The following CDH4 variants were observed in gnomAD, a reference collection of about 807,000 sequenced individuals.
CDH4 encodes cadherin-4.
CDH4 carries 33 observed loss-of-function variants against 86.0 expected under a neutral mutation model. That is an observed-to-expected ratio of 0.38 (90% confidence interval 0.29 to 0.51). The LOEUF (loss-of-function observed/expected upper bound fraction) is 0.51. Among genes scored for constraint, CDH4 ranks in the 20% least tolerant of loss-of-function variants. The pLI, the probability that CDH4 is intolerant of heterozygous loss-of-function variation, is 0.86. For synonymous variants in CDH4, 555 were observed against 549.4 expected (o/e 1.01, Z -0.14); for missense variants, 1,114 against 1,307.4 (o/e 0.85, Z 2.28).
chr20:61,893,455 G>A (rs1984943463), intron 7 of CDH4, among the ~76,000 whole-genome samples: 1 of 150,752 alleles, frequency 6.6e-6, no homozygotes, highest in South Asian at 2.1e-4. Flanking sequence ...TGAATAGAGG[G>A]ATAGACGGAT....
intron 2 of CDH4, among the ~76,000 whole-genome samples, chr20:61,265,110 T>C (rs1392969940): frequency 6.6e-6 from 1 of 150,484 alleles, no homozygotes; most frequent in Non-Finnish European, 1.5e-5. Flanking sequence ...CATTCAATCT[T>C]ACACATACAG....
intron 6 of CDH4, among the ~76,000 whole-genome samples, chr20:61,853,705 G>A (rs1420680255): frequency 6.6e-6 from 1 of 152,182 alleles, no homozygotes; most frequent in African/African-American, 2.4e-5. Flanking sequence ...TCCCCACAGG[G>A]CTGGCACAGC....
At chr20:61,565,201 G>A (rs1272718496) in intron 2 of CDH4, among the ~76,000 whole-genome samples, 2 of 51,910 alleles carry the variant, frequency 3.9e-5, no homozygotes, top group Non-Finnish European at 7.7e-5. Context: ...TCTTGGTGGT[G>A]GTCGCGGTGC....
chr20:61,836,975 C>T (rs539724792), intron 4 of CDH4, among the ~76,000 whole-genome samples: 1 of 152,346 alleles, frequency 6.6e-6, no homozygotes, highest in East Asian at 1.9e-4. Flanking sequence ...AGGAAGGTCA[C>T]ATGAGGCCAA....
At chr20:61,633,591 CA>C (rs2086916561) in intron 2 of CDH4, among the ~76,000 whole-genome samples, 1 of 152,228 alleles carries the variant, frequency 6.6e-6, no homozygotes, top group East Asian at 1.9e-4. Context: ...ACATGTAAGA[CA>C]GCCTAGATCT....
intron 2 of CDH4, among the ~76,000 whole-genome samples, chr20:61,710,100 C>T (rs1600899106): frequency 6.6e-6 from 1 of 152,118 alleles, no homozygotes; most frequent in African/African-American, 2.4e-5. Flanking sequence ...CAGAATGAAC[C>T]GAGAACCTCA....
At chr20:61,289,506 A>C (rs1012420549) in intron 2 of CDH4, among the ~76,000 whole-genome samples, 1 of 152,186 alleles carries the variant, frequency 6.6e-6, no homozygotes, top group African/African-American at 2.4e-5. Flanking sequence ...TGGGAGAGAA[A>C]CAATCTCTGT....
chr20:61,255,173 A>G (rs573014537), intron 2 of CDH4, among the ~76,000 whole-genome samples: 65 of 152,342 alleles, frequency 4.3e-4, no homozygotes, highest in African/African-American at 1.5e-3. Context: ...GCAAACTGTA[A>G]TTCGGATGTA....
chr20:61,623,052 C>T lies in CDH4; in HGVS notation c.170-120511C>T, dbSNP rs768500300. Among the ~76,000 whole-genome samples, 6 of 152,242 alleles carry T rather than the reference C, an allele frequency of 3.9e-5. No homozygotes were observed. Among genetic ancestry groups the T allele is most frequent in the East Asian group, 1.9e-4 (1 of 5,174 alleles). On this transcript the variant is annotated intron_variant, in intron 2 of 15. Coordinates refer to ENST00000614565, the MANE Select transcript of CDH4 (RefSeq NM_001794.5). This position sits in a 1 kb window ranked among gnomAD's most constrained non-coding sequence, Gnocchi z 4.4. ...CATTTAAGACAGTCAGGGAAACAAA[C>T]GGGGAGGTGCCTTAGAGGCAAAGCT...
intron 6 of CDH4, among the ~76,000 whole-genome samples, chr20:61,864,463 C>T (rs1404965909): frequency 6.6e-6 from 1 of 151,632 alleles, no homozygotes; most frequent in Admixed American, 6.6e-5. Context: ...GAACGCAGCA[C>T]ATGCCCCCAG....
chr20:61,833,824 T>C (rs1026282093), intron 4 of CDH4, among the ~76,000 whole-genome samples: 2 of 152,232 alleles, frequency 1.3e-5, no homozygotes, highest in African/African-American at 4.8e-5. Context: ...CTCTGCAGGC[T>C]GGATTTAAAA....
At chr20:61,543,694 AG>A (rs1164106957) in intron 2 of CDH4, among the ~76,000 whole-genome samples, 3 of 152,214 alleles carry the variant, frequency 2.0e-5, no homozygotes, top group Admixed American at 6.5e-5. Flanking sequence ...GACCCCCAGG[AG>A]GCTGCATAAA....
chr20:61,391,701 T>A (rs2084987117), intron 2 of CDH4, among the ~76,000 whole-genome samples: 1 of 152,170 alleles, frequency 6.6e-6, no homozygotes, highest in Non-Finnish European at 1.5e-5. Context: ...AGCAGAACGA[T>A]CCTTAGGTAG....
At chr20:61,814,595 C>T (rs547688877) in intron 4 of CDH4, among the ~76,000 whole-genome samples, 1 of 152,212 alleles carries the variant, frequency 6.6e-6, no homozygotes, top group African/African-American at 2.4e-5. Context: ...TGCTTTGCAG[C>T]GATGTGGAAA....
intron 13 of CDH4, among the ~76,000 whole-genome samples, chr20:61,930,928 A>G (rs1206224725): frequency 1.3e-5 from 2 of 152,126 alleles, no homozygotes; most frequent in Non-Finnish European, 2.9e-5. Flanking sequence ...GTGAGACCCA[A>G]TTCAGCTGAG....
At chr20:61,852,994 C>A in intron 6 of CDH4, 96 bp downstream of exon 6, 2 of 1,322,420 alleles carry the variant, frequency 1.5e-6, no homozygotes, top group Non-Finnish European at 2.1e-6. Context: ...GTCCCCGCTA[C>A]CAGGATGGTG....
chr20:61,351,390 G>C (rs930628792), intron 2 of CDH4, among the ~76,000 whole-genome samples: 1 of 152,158 alleles, frequency 6.6e-6, no homozygotes, highest in African/African-American at 2.4e-5. Flanking sequence ...GTGCTATTTC[G>C]TATCAGGGAC....
At chr20:61,658,738 G>A (rs1028107264) in intron 2 of CDH4, among the ~76,000 whole-genome samples, 1 of 152,194 alleles carries the variant, frequency 6.6e-6, no homozygotes, top group African/African-American at 2.4e-5. Flanking sequence ...CAAAGGAACT[G>A]GATAGTCAGA....
intron 5 of CDH4, among the ~76,000 whole-genome samples, chr20:61,850,026 C>T (rs377588644): frequency 1.1e-3 from 165 of 152,330 alleles, no homozygotes; most frequent in African/African-American, 3.7e-3. Context: ...AGCCTGAGTA[C>T]GCTGACGACT....
Sources: gnomAD v4.1 joint callset for allele counts (sites outside exome capture counted in the v4.1 genomes callset) on GRCh38, gnomAD v4.1.1 for gene constraint, Gnocchi (gnomAD v3.1) non-coding constraint, MANE v1.5 for transcripts, NCBI Gene and HGNC (gene_info 2026-07-23, HGNC 2026-07-21) for gene names.